The following PCDHA5 variants were observed in gnomAD, a reference collection of about 807,000 sequenced individuals.
The protein encoded by PCDHA5 is protocadherin alpha-5.
A neutral mutation model predicts 61.6 loss-of-function variants in PCDHA5; 43 were observed. That is an observed-to-expected ratio of 0.70 (90% confidence interval 0.55 to 0.90). The LOEUF is 0.90. Among genes scored for constraint, PCDHA5 ranks in the 40% least tolerant of loss-of-function variants. The pLI, the probability that PCDHA5 is intolerant of heterozygous loss-of-function variation, is 0.00. For missense variants in PCDHA5, 1,298 were observed against 1,222.7 expected (o/e 1.06, Z -0.92); for synonymous variants, 627 against 543.9 (o/e 1.15, Z -2.13).
intron 3 of PCDHA5, among the ~76,000 whole-genome samples, chr5:140,983,328 T>G (rs1214241110): frequency 6.6e-6 from 1 of 152,218 alleles, no homozygotes; most frequent in East Asian, 1.9e-4. Flanking sequence ...ATTCTTGCCC[T>G]ATCACTAAAG....
intron 3 of PCDHA5, among the ~76,000 whole-genome samples, chr5:141,001,281 A>T (rs1239906088): frequency 6.6e-6 from 1 of 152,168 alleles, no homozygotes; most frequent in African/African-American, 2.4e-5. Context: ...TTTTTTACGG[A>T]TGAAAACTGA....
At chr5:140,856,703 C>T (rs1413055800) in intron 1 of PCDHA5, 1 of 1,596,452 alleles carries the variant, frequency 6.3e-7, no homozygotes, top group Non-Finnish European at 8.6e-7. Context: ...TGGAGGCAAA[C>T]CTGAATTTAC....
At position 140,857,752 on chromosome 5, in the gene PCDHA5, C is replaced by G. The variant is rs7725388; in HGVS notation, c.2352+33625C>G. ...ACGCTCCCGCGCTGCTGGCGTCTCCCGCTGGCAGCGCGGGCGGTGCAGTCA... is the reference window on the plus strand; with the variant it reads ...ACGCTCCCGCGCTGCTGGCGTCTCCGGCTGGCAGCGCGGGCGGTGCAGTCA... On this transcript the variant is annotated intron_variant, in intron 1 of 3. Transcript: ENST00000529859. The G allele has an allele frequency of 4.5e-3, 7,184 of 1,597,166 alleles. 625 individuals are homozygous for G. The African/African-American group carries it at 0.078, about 17-fold the overall frequency.
intron 1 of PCDHA5, among the ~76,000 whole-genome samples, chr5:140,908,825 G>A (rs1554193511): frequency 1.3e-5 from 2 of 152,252 alleles, no homozygotes; most frequent in South Asian, 2.1e-4. Flanking sequence ...TGGGTTACTC[G>A]ATAAATGGGC....
intron 1 of PCDHA5, chr5:140,857,244 C>A: frequency 6.3e-7 from 1 of 1,598,592 alleles, no homozygotes; most frequent in Admixed American, 1.7e-5. Flanking sequence ...CTGGTGTCCA[C>A]CTACAAGAAT....
chr5:140,887,482 CT>C lies in PCDHA5; in HGVS notation c.2352+63357del, dbSNP rs2061466213. 4.6e-5 allele frequency among the ~76,000 whole-genome samples: 7 copies of C among 152,170 alleles called. 1 individual carries two copies. The highest frequency in any genetic ancestry group is 4.6e-4 in the Admixed American group (7 of 15,274). ...AAGATATAATTCAGTTGTCTTCTGG[CT>C]TGCATAGTTTCTAATAAGATGTTTG... On this transcript the variant is annotated intron_variant, in intron 1 of 3. Coordinates refer to ENST00000529859, the MANE Select transcript of PCDHA5 (RefSeq NM_018908.3).
chr5:140,854,522 C>T (rs1554147313), intron 1 of PCDHA5: 1 of 149,908 alleles, frequency 6.7e-6, no homozygotes. Flanking sequence ...GATTAAGTGA[C>T]ACCCATTTCT....
intron 1 of PCDHA5, among the ~76,000 whole-genome samples, chr5:140,894,577 T>A (rs1409232453): frequency 4.6e-5 from 7 of 152,030 alleles, no homozygotes; most frequent in African/African-American, 9.6e-5. Flanking sequence ...TCCTTTTTTT[T>A]AATATTTTAC....
rs2150119622 is a variant in PCDHA5, at chr5:140,822,818, A to G, written c.1043A>G (p.Glu348Gly). ...CTGGATGTGAATGATAATACCCCAG[A>G]GATGGCCATAACCACCCTTTTCCTG... ...KLLDVNDNTP[E>G]MAITTLFLPV... The change falls in exon 1 of 4, where the codon GAG becomes GGG. Residue 348 changes from glutamate to glycine, a missense_variant. Physicochemically the swap from Glu to Gly is moderately conservative, Grantham distance 98. Transcript: ENST00000529859. 6.2e-7 allele frequency: 1 copy of G among 1,614,182 alleles called. No individual in the cohort carries two copies. The highest frequency in any genetic ancestry group is 1.3e-5 in the African/African-American group (1 of 75,074).
chr5:140,938,062 A>G (rs2091901426), intron 1 of PCDHA5, among the ~76,000 whole-genome samples: 1 of 152,176 alleles, frequency 6.6e-6, no homozygotes, highest in Non-Finnish European at 1.5e-5. Context: ...ATATACTGTC[A>G]TGCTATTCCC....
At chr5:140,838,663 T>C (rs1206585706) in intron 1 of PCDHA5, among the ~76,000 whole-genome samples, 3 of 152,036 alleles carry the variant, frequency 2.0e-5, no homozygotes, top group Admixed American at 1.3e-4. Flanking sequence ...TAACGGGGCA[T>C]GGTGGCACAC....
At chr5:140,953,996 T>C (rs989520486) in intron 1 of PCDHA5, among the ~76,000 whole-genome samples, 1 of 152,158 alleles carries the variant, frequency 6.6e-6, no homozygotes, top group African/African-American at 2.4e-5. Context: ...TCATGTGTAC[T>C]CATCATTCAG....
chr5:140,841,660 G>T (rs2150320374), intron 1 of PCDHA5: 29 of 1,614,122 alleles, frequency 1.8e-5, no homozygotes, highest in Non-Finnish European at 2.5e-5. Context: ...TGGACAGGCC[G>T]CTGCAGGTTT....
chr5:140,857,392 C>T lies in PCDHA5; in HGVS notation c.2352+33265C>T, dbSNP rs142727326. ...TGTCTGTGGAGGTGGCCGACGTGAA[C>T]GACAACGCGCCTGCGTTCGCGCAGT... On this transcript the variant is annotated intron_variant, in intron 1 of 3. Coordinates refer to ENST00000529859, the MANE Select transcript of PCDHA5 (RefSeq NM_018908.3). 2.9e-5 allele frequency: 46 copies of T among 1,598,470 alleles called. 4 individuals are homozygous for T. Among genetic ancestry groups the T allele is most frequent in the Non-Finnish European group, 3.6e-5 (42 of 1,167,894 alleles).
intron 1 of PCDHA5, chr5:140,853,738 T>A: frequency 2.0e-6 from 2 of 988,624 alleles, no homozygotes. Context: ...CATTGAATGT[T>A]CTGGTTCAAG....
chr5:140,994,149 G>A (rs1299780463), intron 3 of PCDHA5, among the ~76,000 whole-genome samples: 2 of 152,174 alleles, frequency 1.3e-5, no homozygotes, highest in Non-Finnish European at 2.9e-5. Context: ...TACGTAGGTA[G>A]GGTCAACGAA....
At chr5:140,888,503 T>C (rs1582952197) in intron 1 of PCDHA5, among the ~76,000 whole-genome samples, 1 of 152,132 alleles carries the variant, frequency 6.6e-6, no homozygotes, top group East Asian at 1.9e-4. Context: ...CTTTAAAGAG[T>C]CTTGGACTTA....
chr5:141,010,129 G>A lies in PCDHA5; in HGVS notation c.*192G>A, dbSNP rs781919488. The A allele has an allele frequency of 3.7e-6, 6 of 1,601,792 alleles. No individual in the cohort carries two copies. The highest frequency in any genetic ancestry group is 5.1e-6 in the Non-Finnish European group (6 of 1,173,386). On this transcript the variant is annotated 3_prime_UTR_variant, in exon 4 of 4. Coordinates refer to ENST00000529859, the MANE Select transcript of PCDHA5 (RefSeq NM_018908.3). Reference sequence around the variant, plus strand: ...TGTCGTAAAAGCTTTACTAAGTCTGGTGTTAACTCTTTCTCTCCACTCTGG... The same window carrying A: ...TGTCGTAAAAGCTTTACTAAGTCTGATGTTAACTCTTTCTCTCCACTCTGG...
chr5:140,856,147 A>T lies in PCDHA5; in HGVS notation c.2352+32020A>T, dbSNP rs142037616. ...TGGGGAGCGGCCAGCTCCACTACTC[A>T]GTCTACGAGGAGGCCAGACACGGCA... is the stretch of plus-strand genomic sequence containing the variant. On this transcript the variant is annotated intron_variant, in intron 1 of 3. Transcript: ENST00000529859. 363 of 1,598,234 alleles carry T rather than the reference A, an allele frequency of 2.3e-4. 22 individuals are homozygous for T. In the African/African-American group the frequency reaches 3.7e-3, roughly 16 times the overall value.
Sources: allele counts gnomAD v4.1 joint callset (sites outside exome capture counted in the v4.1 genomes callset), GRCh38; gene constraint gnomAD v4.1.1; transcripts MANE v1.5; gene names NCBI Gene and HGNC (gene_info 2026-07-23, HGNC 2026-07-21).